The following TOPAZ1 variants were observed in gnomAD, a reference collection of about 807,000 sequenced individuals.
TOPAZ1 encodes protein TOPAZ1.
A neutral mutation model predicts 172.2 loss-of-function variants in TOPAZ1; 66 were observed. The ratio of observed to expected loss-of-function variants is 0.38; its 90% confidence interval spans 0.31 to 0.47. The LOEUF (loss-of-function observed/expected upper bound fraction) is 0.47. Among genes scored for constraint, TOPAZ1 ranks in the 20% least tolerant of loss-of-function variants. The pLI is 0.99. For synonymous variants in TOPAZ1, 681 were observed against 683.9 expected (o/e 1.00, Z 0.07); for missense variants, 1,822 against 1,972.4 (o/e 0.92, Z 1.44).
chr3:44,251,002 C>T (rs1246768983), intron 2 of TOPAZ1, among the ~76,000 whole-genome samples: 1 of 152,056 alleles, frequency 6.6e-6, no homozygotes. Context: ...TAATAATTGC[C>T]CCAGTAAATT....
chr3:44,284,300 C>A (rs569930631), intron 9 of TOPAZ1, among the ~76,000 whole-genome samples: 4 of 152,270 alleles, frequency 2.6e-5, no homozygotes, highest in Admixed American at 6.5e-5. Flanking sequence ...CCCTTGATAA[C>A]CTCTAATCTA....
chr3:44,305,390 G>A lies in TOPAZ1; in HGVS notation c.4039+69G>A, dbSNP rs1267781911. The A allele has an allele frequency of 1.3e-5, 17 of 1,331,208 alleles. No homozygotes were observed. The South Asian group carries it at 1.3e-4, about 10-fold the overall frequency. 82.5% of individuals were successfully genotyped at this position (1,331,208 alleles called of 1,614,324 possible). On this transcript the variant is annotated intron_variant, in intron 14 of 19. Coordinates refer to ENST00000309765, the MANE Select transcript of TOPAZ1 (RefSeq NM_001145030.2). Reference sequence around the variant, plus strand: ...GCAGTTTTCTTTTTTGTTTTTTAGAGACAGGGTCTTCCTTTGTTACCCAGG... The same window carrying A: ...GCAGTTTTCTTTTTTGTTTTTTAGAAACAGGGTCTTCCTTTGTTACCCAGG...
intron 11 of TOPAZ1, among the ~76,000 whole-genome samples, 154 bp downstream of exon 11, chr3:44,287,993 TTA>T (rs1700098083): frequency 6.6e-6 from 1 of 152,094 alleles, no homozygotes; most frequent in South Asian, 2.1e-4. Context: ...GAAATAGGGT[TTA>T]TAAAAAAAGA....
At chr3:44,266,727 T>C (rs1168808928) in intron 5 of TOPAZ1, among the ~76,000 whole-genome samples, 3 of 152,014 alleles carry the variant, frequency 2.0e-5, no homozygotes, top group African/African-American at 7.2e-5. Context: ...TCACTGATCA[T>C]AGAGCACCAT....
intron 11 of TOPAZ1, among the ~76,000 whole-genome samples, chr3:44,289,245 C>T (rs963361696): frequency 3.9e-5 from 6 of 152,104 alleles, no homozygotes; most frequent in African/African-American, 1.4e-4. Flanking sequence ...AGTTAGACCA[C>T]CAGTGACCCT....
At chr3:44,291,341 G>A (rs1435183466) in intron 12 of TOPAZ1, among the ~76,000 whole-genome samples, 1 of 148,428 alleles carries the variant, frequency 6.7e-6, no homozygotes, top group African/African-American at 2.5e-5. Context: ...CGTGGCTCAC[G>A]CCTGTAATCC....
chr3:44,267,062 C>T lies in TOPAZ1; in HGVS notation c.3086C>T (p.Pro1029Leu). ...ECQFAVPVPK[P>L]LCLLVPPLNL... ...CAATTTGCAGTACCAGTCCCGAAAC[C>T]TCTGTGTTTATTAGTACCTCCTTTG... is the stretch of plus-strand genomic sequence containing the variant. Residue 1029 changes from proline to leucine, a missense_variant, in exon 6 of 20, where the codon CCT becomes CTT. This residue lies in a region of TOPAZ1 where 1,489 missense variants were observed against 1,490.8 expected (regional missense o/e 1.00). Transcript: ENST00000309765. 1 of 1,549,938 alleles carries T rather than the reference C, an allele frequency of 6.5e-7. No homozygotes were observed. Among genetic ancestry groups the T allele is most frequent in the Non-Finnish European group, 8.7e-7 (1 of 1,146,226 alleles).
intron 19 of TOPAZ1, 131 bp downstream of exon 19, chr3:44,328,564 A>G (rs962144165): frequency 9.3e-6 from 4 of 430,954 alleles, no homozygotes; most frequent in South Asian, 1.4e-4. Context: ...TATGTACTTT[A>G]TGTGTGTGTA....
At chr3:44,270,079 G>T (rs933462130) in intron 7 of TOPAZ1, among the ~76,000 whole-genome samples, 1 of 152,178 alleles carries the variant, frequency 6.6e-6, no homozygotes, top group Non-Finnish European at 1.5e-5. Context: ...GAAAAAACAG[G>T]CTGAATACTT....
In TOPAZ1 at chr3:44,257,379, GT is replaced by G. The variant is rs1559527693; in HGVS notation, c.2955+1102del. On this transcript the variant is annotated intron_variant, in intron 4 of 19. Transcript: ENST00000309765. ...TGTGTGTGTGTGTGTGTGTGTGTGTGTGTGTGTGTGTGTGTGTGTGTGTGTG... is the reference window on the plus strand; with the variant it reads ...TGTGTGTGTGTGTGTGTGTGTGTGTGGTGTGTGTGTGTGTGTGTGTGTGTG... 6.8e-4 allele frequency among the ~76,000 whole-genome samples: 93 copies of G among 137,020 alleles called. 2 individuals carry two copies. The East Asian group carries it at 0.017, about 24-fold the overall frequency. 89.9% of individuals were successfully genotyped at this position (137,020 alleles called of 152,430 possible).
At chr3:44,323,338 G>A in intron 18 of TOPAZ1, 43 bp downstream of exon 18, 1 of 1,249,326 alleles carries the variant, frequency 8.0e-7, no homozygotes, top group African/African-American at 1.5e-5. Flanking sequence ...GTTTATAATT[G>A]TATTCTCTAA....
chr3:44,303,396 A>G (rs958814908), intron 12 of TOPAZ1, among the ~76,000 whole-genome samples: 1 of 149,326 alleles, frequency 6.7e-6, no homozygotes, highest in Admixed American at 6.7e-5. Flanking sequence ...TCCAAAAACT[A>G]TGCATTTCAA....
chr3:44,293,340 C>G (rs2125695014), intron 12 of TOPAZ1, among the ~76,000 whole-genome samples: 1 of 152,172 alleles, frequency 6.6e-6, no homozygotes, highest in East Asian at 1.9e-4. Flanking sequence ...CAGGCAGGTC[C>G]TCCAGAAGGT....
Position 44,242,922 on chromosome 3 carries a change from A to G in TOPAZ1, c.416A>G (p.Lys139Arg). ...DPQPGLDLVR[K>R]ESLTSSESFQ... ...CAGCCAGGGCTTGACTTGGTAAGAA[A>G]GGAATCATTAACCAGTTCGGAATCT... is the stretch of plus-strand genomic sequence containing the variant. The change falls in exon 2 of 20, where the codon AAG becomes AGG. Residue 139 changes from lysine to arginine, a missense_variant. Lys to Arg is a conservative substitution (Grantham distance 26, BLOSUM62 2). Coordinates refer to ENST00000309765, the MANE Select transcript of TOPAZ1 (RefSeq NM_001145030.2). 6.5e-7 allele frequency: 1 copy of G among 1,546,502 alleles called. No homozygotes were observed. The highest frequency in any genetic ancestry group is 8.7e-7 in the Non-Finnish European group (1 of 1,145,832).
rs1159178086 is a variant in TOPAZ1 at position 44,309,932 on chromosome 3, T to C, written c.4248T>C (p.Val1416=). 1 of 1,551,666 alleles carries C rather than the reference T, an allele frequency of 6.4e-7. No individual in the cohort carries two copies. The highest frequency in any genetic ancestry group is 1.2e-5 in the South Asian group (1 of 84,060). Residue 1416 remains valine, a synonymous_variant, in exon 16 of 20, where the codon GTT becomes GTC. Coordinates refer to ENST00000309765, the MANE Select transcript of TOPAZ1 (RefSeq NM_001145030.2). The part of the protein sequence containing the change: ...KLASRCQIVN[V]AAEIFLKSGS... The stretch of plus-strand genomic sequence containing the variant: ...CATCAAGATGTCAAATTGTGAATGT[T>C]GCAGCAGAAATTTTTCTAAAAAGTG...
At chr3:44,288,362 A>G (rs977028890) in intron 11 of TOPAZ1, among the ~76,000 whole-genome samples, 5 of 152,108 alleles carry the variant, frequency 3.3e-5, no homozygotes, top group South Asian at 4.2e-4. Flanking sequence ...AAACTTGACA[A>G]TTGCTTGCCT....
intron 16 of TOPAZ1, among the ~76,000 whole-genome samples, chr3:44,316,238 C>A (rs1219226261): frequency 2.0e-5 from 3 of 151,872 alleles, no homozygotes; most frequent in Non-Finnish European, 4.4e-5. Flanking sequence ...ACAGTGAGAC[C>A]CTGTCTCAAA....
At chr3:44,248,872 C>G (rs183444219) in intron 2 of TOPAZ1, among the ~76,000 whole-genome samples, 1 of 152,306 alleles carries the variant, frequency 6.6e-6, no homozygotes, top group East Asian at 1.9e-4. Context: ...AAAGTATTCT[C>G]AGACCAGATT....
At chr3:44,291,906 A>G (rs1021377752) in intron 12 of TOPAZ1, among the ~76,000 whole-genome samples, 2 of 152,092 alleles carry the variant, frequency 1.3e-5, no homozygotes, top group Non-Finnish European at 2.9e-5. Context: ...AGGTTCCCAA[A>G]CTTTCTTGGT....
Sources: allele counts gnomAD v4.1 joint callset (sites outside exome capture counted in the v4.1 genomes callset), GRCh38; gene constraint gnomAD v4.1.1; regional missense constraint gnomAD v4.1.1; transcripts MANE v1.5; gene names NCBI Gene and HGNC (gene_info 2026-07-23, HGNC 2026-07-21).